Variants in CACHD1 observed in about 807,000 individuals in gnomAD.
CACHD1 encodes cache domain containing 1.
Under a neutral mutation model 138.7 loss-of-function variants are expected in CACHD1, and 71 were observed. The observed-to-expected ratio is 0.51, with a 90% CI of 0.42 to 0.62. CACHD1 has a LOEUF of 0.62. Among genes scored for constraint, CACHD1 ranks in the 20% least tolerant of loss-of-function variants. CACHD1 has a pLI of 0.00. For synonymous variants in CACHD1, 578 were observed against 591.5 expected, an observed-to-expected ratio of 0.98 and a Z score of 0.33; for missense variants, 1,389 against 1,625.3, an observed-to-expected ratio of 0.85 and a Z score of 2.50.
At chr1:64,656,887 T>C (rs1285013301) in intron 12 of CACHD1, among the ~76,000 whole-genome samples, 1 of 152,146 alleles carries the variant, frequency 6.6e-6, no homozygotes, top group Non-Finnish European at 1.5e-5. Context: ...TAGATACTTA[T>C]CTTGTCCTAA....
rs770226675 is a variant in CACHD1 at position 64,663,737 on chromosome 1, C to G, written c.1994C>G (p.Pro665Arg). 2.2e-5 allele frequency: 35 copies of G among 1,613,942 alleles called. No individual in the cohort carries two copies. The highest frequency in any genetic ancestry group is 1.6e-4 in the Middle Eastern group (1 of 6,084). Residue 665 changes from proline to arginine, a missense_variant, in exon 14 of 27, where the codon CCC becomes CGC. By Grantham distance (103) the Pro-to-Arg change is moderately radical (BLOSUM62 -2). Transcript: ENST00000651257. ...IMLSAGSFSS[P>R]YEHLSQPETK... The stretch of plus-strand genomic sequence containing the variant: ...CTGTCTGCTGGCAGCTTTTCCTCCC[C>G]CTATGAGCACCTCAGCCAGCCAGAG...
intron 26 of CACHD1, among the ~76,000 whole-genome samples, chr1:64,684,363 CTT>C (rs397980387): frequency 3.7e-3 from 203 of 54,968 alleles, no homozygotes; most frequent in African/African-American, 0.014. Flanking sequence ...TCTTCTTCTT[CTT>C]TTTTTTTTTT....
intron 4 of CACHD1, among the ~76,000 whole-genome samples, chr1:64,617,734 A>C (rs1411840567): frequency 6.6e-6 from 1 of 152,192 alleles, no homozygotes; most frequent in Non-Finnish European, 1.5e-5. Flanking sequence ...TTCAGGTCAC[A>C]GGGTTTAAGT....
At chr1:64,630,291 T>C (rs1488784193) in intron 5 of CACHD1, among the ~76,000 whole-genome samples, 1 of 149,110 alleles carries the variant, frequency 6.7e-6, no homozygotes, top group Non-Finnish European at 1.5e-5. Flanking sequence ...CATCTGTGCT[T>C]TTCCTAAGAT....
At position 64,678,160 on chromosome 1, in the gene CACHD1, G is replaced by T. The variant is rs182689999; in HGVS notation, c.3094G>T (p.Asp1032Tyr). 149 of 1,609,480 alleles carry T rather than the reference G, an allele frequency of 9.3e-5. No individual in the cohort carries two copies. The highest frequency in any genetic ancestry group is 1.2e-4 in the Non-Finnish European group (138 of 1,178,182). The change falls in exon 23 of 27, where the codon GAC becomes TAC. Residue 1032 changes from aspartate to tyrosine, a missense_variant and splice_region_variant. Physicochemically the swap from Asp to Tyr is radical, Grantham distance 160. Around this residue, in one of 5 missense-constraint regions of CACHD1, gnomAD observed 250 missense variants for 292.9 expected, o/e 0.85. Coordinates refer to ENST00000651257, the MANE Select transcript of CACHD1 (RefSeq NM_020925.4). ...SRCSQRLESGDCFGVLDCEWC... is the reference protein window; with the variant it reads ...SRCSQRLESGYCFGVLDCEWC... ...GACTAAGTATTGTTTTTCTGGCAGG[G>T]ACTGTTTTGGGGTGCTGGATTGTGA...
At chr1:64,492,980 G>C (rs958761038) in intron 1 of CACHD1, among the ~76,000 whole-genome samples, 2 of 152,150 alleles carry the variant, frequency 1.3e-5, no homozygotes, top group Admixed American at 1.3e-4. Flanking sequence ...GCCAAAACTA[G>C]GCCCTCAGTA....
chr1:64,681,559 T>C (rs1304760087), intron 25 of CACHD1, among the ~76,000 whole-genome samples: 1 of 147,076 alleles, frequency 6.8e-6, no homozygotes, highest in Non-Finnish European at 1.5e-5. Flanking sequence ...TTTTTTTTTT[T>C]TTTTTGCATT....
At position 64,654,599 on chromosome 1, in the gene CACHD1, A is replaced by G. The variant is rs1314223656; in HGVS notation, c.1665-87A>G. ...TGGTATTCGAAATCAGGAGGTGGCC[A>G]TTGACTCAACAGCTTCTTCCTTGCC... is the stretch of plus-strand genomic sequence containing the variant. On this transcript the variant is annotated intron_variant, in intron 11 of 26. Transcript: ENST00000651257. The G allele has an allele frequency of 4.4e-6, 4 of 911,208 alleles. No homozygotes were observed. In the East Asian group the frequency reaches 9.7e-5, roughly 22 times the overall value. 56.4% of individuals were successfully genotyped at this position (911,208 alleles called of 1,614,324 possible). A position where few individuals can be genotyped will look rare whatever the true frequency, so the allele number is the denominator to read the frequency against.
intron 1 of CACHD1, among the ~76,000 whole-genome samples, chr1:64,513,592 G>A (rs1312421568): frequency 6.6e-6 from 1 of 152,178 alleles, no homozygotes; most frequent in African/African-American, 2.4e-5. Context: ...CAAACACAAG[G>A]CATTTGACAT....
chr1:64,579,651 T>C (rs896644240), intron 2 of CACHD1, among the ~76,000 whole-genome samples: 1 of 152,092 alleles, frequency 6.6e-6, no homozygotes, highest in Non-Finnish European at 1.5e-5. Flanking sequence ...GAAATACATA[T>C]TGTTGTATAT....
At chr1:64,547,047 C>G (rs1443226275) in intron 1 of CACHD1, among the ~76,000 whole-genome samples, 1 of 152,118 alleles carries the variant, frequency 6.6e-6, no homozygotes, top group Non-Finnish European at 1.5e-5. Flanking sequence ...GTTTTTAACT[C>G]AAGGTCTAGA....
Position 64,650,786 on chromosome 1 carries a change from G to A in CACHD1, c.1391-1375G>A, listed in dbSNP as rs894722861. ...TCTGATAGGCTGATAGACATCAAGC[G>A]CAGGAAAAAACAAAATCAAGATAAA... On this transcript the variant is annotated intron_variant, in intron 9 of 26. Transcript: ENST00000651257. Among the ~76,000 whole-genome samples the A allele has an allele frequency of 3.9e-5, 6 of 152,234 alleles. No individual in the cohort carries two copies. In the East Asian group the frequency reaches 5.8e-4, roughly 15 times the overall value.
chr1:64,655,302 G>A lies in CACHD1; in HGVS notation c.1782+499G>A, dbSNP rs1649226000. Among the ~76,000 whole-genome samples, 3 of 152,114 alleles carry A rather than the reference G, an allele frequency of 2.0e-5. No individual in the cohort carries two copies. The South Asian group carries it at 6.2e-4, about 32-fold the overall frequency. Reference sequence around the variant, plus strand: ...CCACTTAAATCAATTTCCAGAAAATGTGTATATACAGGCAGGTATATATAT... The same window carrying A: ...CCACTTAAATCAATTTCCAGAAAATATGTATATACAGGCAGGTATATATAT... On this transcript the variant is annotated intron_variant, in intron 12 of 26. Transcript: ENST00000651257.
In CACHD1 at chr1:64,542,301, G is replaced by A. The variant is rs76651432; in HGVS notation, c.199-8293G>A. 6.6e-5 allele frequency among the ~76,000 whole-genome samples: 10 copies of A among 152,280 alleles called. No homozygotes were observed. The East Asian group carries it at 1.9e-3, about 29-fold the overall frequency. ...TTTGATTTGCACAAGGTCGTCTATT[G>A]TGTCACTGATGCATTTTTTTTTAAT... On this transcript the variant is annotated intron_variant, in intron 1 of 26. Coordinates refer to ENST00000651257, the MANE Select transcript of CACHD1 (RefSeq NM_020925.4).
chr1:64,623,601 A>G (rs1647993383), intron 4 of CACHD1, among the ~76,000 whole-genome samples: 1 of 152,116 alleles, frequency 6.6e-6, no homozygotes, highest in Non-Finnish European at 1.5e-5. Flanking sequence ...GCCCTCGAGG[A>G]TCTTAGAATC....
intron 2 of CACHD1, among the ~76,000 whole-genome samples, chr1:64,555,531 T>C (rs1160526223): frequency 6.6e-6 from 1 of 152,100 alleles, no homozygotes; most frequent in Non-Finnish European, 1.5e-5. Flanking sequence ...GGGATTCTTC[T>C]GCCCTTAGCC....
chr1:64,678,448 A>G (rs1472498617), intron 23 of CACHD1, 138 bp downstream of exon 23: 8 of 904,946 alleles, frequency 8.8e-6, no homozygotes. Context: ...AAACCAAGGC[A>G]GATAATTACC....
chr1:64,580,015 C>G (rs1283499414), intron 2 of CACHD1: 1 of 152,076 alleles, frequency 6.6e-6, no homozygotes, highest in Non-Finnish European at 1.5e-5. Flanking sequence ...GCCTATTGCT[C>G]TGACACCCTC....
chr1:64,677,564 A>C lies in CACHD1; in HGVS notation c.3092+553A>C, dbSNP rs555900596. Among the ~76,000 whole-genome samples the C allele has an allele frequency of 3.3e-5, 5 of 152,294 alleles. No individual in the cohort carries two copies. In the East Asian group the frequency reaches 9.6e-4, roughly 29 times the overall value. ...TTTATTAAACAGTGTTTAGAGGGAT[A>C]GCTTACTCTGCTTTGCGTGTGTATT... On this transcript the variant is annotated intron_variant, in intron 22 of 26. Transcript: ENST00000651257.
Sources: gnomAD v4.1 joint callset for allele counts (sites outside exome capture counted in the v4.1 genomes callset) on GRCh38, gnomAD v4.1.1 for gene constraint, gnomAD v4.1.1 regional missense constraint, MANE v1.5 for transcripts, NCBI Gene and HGNC (gene_info 2026-07-23, HGNC 2026-07-21) for gene names.